COLEC10: variants seen among roughly 807,000 people sequenced by gnomAD.
COLEC10 encodes collectin-10.
In COLEC10, 22 loss-of-function variants were observed where a neutral mutation model predicts 28.4. The ratio of observed to expected loss-of-function variants is 0.78; its 90% CI spans 0.55 to 1.11. The LOEUF (loss-of-function observed/expected upper bound fraction) is 1.11, where lower values mean the gene tolerates loss of function less well. Ranked by LOEUF, COLEC10 falls within the 50% of genes least tolerant of loss-of-function variation. COLEC10 has a pLI of 0.00. For missense variants in COLEC10, 361 were observed against 344.1 expected, an observed-to-expected ratio of 1.05 and a Z score of -0.39; for synonymous variants, 125 against 116.1, an observed-to-expected ratio of 1.08 and a Z score of -0.49.
At chr8:119,048,041 T>G (rs188606060) in intron 2 of COLEC10, among the ~76,000 whole-genome samples, 25 of 152,326 alleles carry the variant, frequency 1.6e-4, no homozygotes, top group African/African-American at 5.5e-4. Flanking sequence ...GCTTTTATTT[T>G]AGATACAGAA....
At chr8:118,958,586 GA>G in the COLEC10 span, among the ~76,000 whole-genome samples, 12 of 150,760 alleles carry the variant, frequency 8.0e-5, no homozygotes, top group African/African-American at 2.2e-4. Flanking sequence ...TTCTGCCCAG[GA>G]AAAAAAAAGT....
At chr8:118,982,931 C>G in the COLEC10 span, 1 of 152,132 alleles carries the variant, frequency 6.6e-6, no homozygotes, top group African/African-American at 2.4e-5. Flanking sequence ...CTCAGTGCAC[C>G]AACCACACCA....
intron 2 of COLEC10, among the ~76,000 whole-genome samples, chr8:119,059,402 A>G (rs1012085218): frequency 6.6e-6 from 1 of 151,516 alleles, no homozygotes; most frequent in Non-Finnish European, 1.5e-5. Flanking sequence ...ATAGGTTCCA[A>G]TTTCATTTCT....
intron 1 of COLEC10, among the ~76,000 whole-genome samples, chr8:119,088,187 G>C (rs967461130): frequency 6.6e-6 from 1 of 150,392 alleles, no homozygotes; most frequent in Admixed American, 6.7e-5. Flanking sequence ...GGGAAGGAAA[G>C]GAAGGGAAGG....
At chr8:119,004,543 T>G (rs1483344529) in intron 1 of COLEC10, among the ~76,000 whole-genome samples, 2 of 151,134 alleles carry the variant, frequency 1.3e-5, no homozygotes, top group South Asian at 2.1e-4. Context: ...AATTCTTGAT[T>G]GATATATTCA....
At chr8:119,063,545 T>A (rs1304146139), upstream of COLEC10, among the ~76,000 whole-genome samples, 1 of 152,092 alleles carries the variant, frequency 6.6e-6, no homozygotes, top group Admixed American at 6.6e-5. Flanking sequence ...CTCCTTTGGG[T>A]GTCTCTTCTA....
chr8:119,015,996 A>G (rs1365842613), intron 2 of COLEC10, among the ~76,000 whole-genome samples: 1 of 152,172 alleles, frequency 6.6e-6, no homozygotes, highest in African/African-American at 2.4e-5. Flanking sequence ...GTATGCTATC[A>G]TTCTACCTTT....
chr8:118,972,330 G>C, the COLEC10 span, among the ~76,000 whole-genome samples: 4 of 152,032 alleles, frequency 2.6e-5, no homozygotes, highest in Admixed American at 1.3e-4. Flanking sequence ...TCTTGGCTCC[G>C]AGAGCTACTT....
chr8:119,030,629 A>G (rs1443379056), intron 2 of COLEC10, among the ~76,000 whole-genome samples: 3 of 152,210 alleles, frequency 2.0e-5, no homozygotes, highest in Non-Finnish European at 2.9e-5. Flanking sequence ...ACTAAGATGG[A>G]GGTCATAACA....
the COLEC10 span, among the ~76,000 whole-genome samples, chr8:118,968,842 A>G: frequency 1.7e-3 from 253 of 151,210 alleles, no homozygotes; most frequent in African/African-American, 5.7e-3. Flanking sequence ...TCATTGTTCA[A>G]CTCCCACTTG....
At chr8:118,982,056 C>T in the COLEC10 span, among the ~76,000 whole-genome samples, 1 of 151,564 alleles carries the variant, frequency 6.6e-6, no homozygotes, top group African/African-American at 2.4e-5. Context: ...TTAGTAATTT[C>T]AGGAAGAAGA....
intron 2 of COLEC10, among the ~76,000 whole-genome samples, chr8:119,026,134 CT>C (rs1446916344): frequency 3.9e-5 from 6 of 152,156 alleles, no homozygotes; most frequent in African/African-American, 1.4e-4. Context: ...TATTGAATGA[CT>C]ATCCTGTATC....
At chr8:118,976,748 T>C in the COLEC10 span, 15 of 152,154 alleles carry the variant, frequency 9.9e-5, no homozygotes, top group Non-Finnish European at 1.5e-5. Flanking sequence ...AATTAACAAA[T>C]GGGATCTAAT....
intron 1 of COLEC10, among the ~76,000 whole-genome samples, chr8:118,996,852 C>T (rs1813598569): frequency 6.6e-6 from 1 of 152,146 alleles, no homozygotes; most frequent in African/African-American, 2.4e-5. Flanking sequence ...CGTGTCATGA[C>T]AAGAGCAGAG....
chr8:119,016,521 T>C (rs1813994056), intron 2 of COLEC10, among the ~76,000 whole-genome samples: 1 of 152,200 alleles, frequency 6.6e-6, no homozygotes, highest in African/African-American at 2.4e-5. Context: ...CAATGATTTA[T>C]AATCCTTTGA....
intron 2 of COLEC10, among the ~76,000 whole-genome samples, chr8:119,011,582 T>C (rs1253919622): frequency 6.6e-6 from 1 of 151,012 alleles, no homozygotes; most frequent in Admixed American, 6.6e-5. Flanking sequence ...TTGACACTAC[T>C]GAGTTTTCCA....
At chr8:119,016,278 G>A (rs1234228095) in intron 2 of COLEC10, among the ~76,000 whole-genome samples, 1 of 152,072 alleles carries the variant, frequency 6.6e-6, no homozygotes, top group Non-Finnish European at 1.5e-5. Context: ...AACATGCAGT[G>A]TTTGGTTTTC....
At position 119,103,859 on chromosome 8, in the gene COLEC10, G is replaced by C; in HGVS notation, c.406G>C (p.Ala136Pro). The C allele has an allele frequency of 5.0e-6, 8 of 1,612,600 alleles. No homozygotes were observed. The highest frequency in any genetic ancestry group is 6.8e-6 in the Non-Finnish European group (8 of 1,178,898). ...KFVGQLDISI[A>P]RLKTSMKFVK... ...TGTTGGACAACTGGATATTAGTATT[G>C]CTCGGCTCAAGACATCTATGAAGTT... The change falls in exon 5 of 6, where the codon GCT becomes CCT. Residue 136 changes from alanine (A) to proline (P), a missense_variant. Physicochemically the swap from Ala to Pro is conservative, Grantham distance 27 (BLOSUM62 -1). This residue lies in a region of COLEC10 where 335 missense variants were observed against 308.5 expected (regional missense o/e 1.09). Coordinates refer to ENST00000332843, the MANE Select transcript of COLEC10 (RefSeq NM_006438.5).
chr8:118,956,539 A>C, the COLEC10 span, among the ~76,000 whole-genome samples: 1 of 152,160 alleles, frequency 6.6e-6, no homozygotes, highest in Non-Finnish European at 1.5e-5. Flanking sequence ...CTTGCTTATA[A>C]ACTTTTTCCA....
Sources: allele counts gnomAD v4.1 joint callset (sites outside exome capture counted in the v4.1 genomes callset), GRCh38; gene constraint gnomAD v4.1.1; regional missense constraint gnomAD v4.1.1; transcripts MANE v1.5; gene names NCBI Gene and HGNC (gene_info 2026-07-23, HGNC 2026-07-21).